The following GBP2 variants were observed in gnomAD, a reference collection of about 807,000 sequenced individuals.
GBP2 encodes the protein guanylate-binding protein 2.
GBP2 carries 54 observed loss-of-function variants against 60.8 expected under a neutral mutation model. That is an observed-to-expected ratio of 0.89 (90% CI 0.71 to 1.11). The LOEUF (loss-of-function observed/expected upper bound fraction) is 1.11, where lower values mean the gene tolerates loss of function less well. Among genes scored for constraint, GBP2 ranks in the 50% most tolerant of loss-of-function variants. The pLI is 0.00. For synonymous variants in GBP2, 243 were observed against 256.5 expected (o/e 0.95, Z 0.50); for missense variants, 665 against 703.3 (o/e 0.95, Z 0.62).
At chr1:89,114,577 C>T (rs1259284128) in intron 6 of GBP2, among the ~76,000 whole-genome samples, 1 of 152,136 alleles carries the variant, frequency 6.6e-6, no homozygotes, top group Non-Finnish European at 1.5e-5. Flanking sequence ...CTCACCTCTC[C>T]CTCTATTCCC....
intron 9 of GBP2, 105 bp from the exon 10 acceptor site, chr1:89,109,975 ACTT>A (rs2100611028): frequency 2.5e-6 from 3 of 1,185,110 alleles, no homozygotes; most frequent in South Asian, 3.1e-5. Context: ...CATTGAGAAA[ACTT>A]CTTGTAATTT....
intron 1 of GBP2, among the ~76,000 whole-genome samples, chr1:89,125,318 A>C (rs1294903307): frequency 6.6e-6 from 1 of 152,204 alleles, no homozygotes; most frequent in Non-Finnish European, 1.5e-5. Context: ...AATGGCAAAA[A>C]AACTATTTTT....
intron 9 of GBP2, 53 bp from the exon 10 acceptor site, chr1:89,109,923 C>T: frequency 6.7e-7 from 1 of 1,487,710 alleles, no homozygotes; most frequent in Non-Finnish European, 9.1e-7. Flanking sequence ...TGTAGGTGTT[C>T]CCTTTTCCTT....
At chr1:89,112,404 C>T in intron 8 of GBP2, 68 bp downstream of exon 8, 1 of 1,347,616 alleles carries the variant, frequency 7.4e-7, no homozygotes, top group African/African-American at 1.4e-5. Flanking sequence ...CATTTACCTT[C>T]TTCCCAGTGG....
At position 89,112,526 on chromosome 1, in the gene GBP2, C is replaced by T. The variant is rs754483732; in HGVS notation, c.1308G>A (p.Gln436=). 23 of 1,614,050 alleles carry T rather than the reference C, an allele frequency of 1.4e-5. No homozygotes were observed. Among genetic ancestry groups the T allele is most frequent in the Non-Finnish European group, 8.5e-7 (1 of 1,180,040 alleles). Residue 436 remains glutamine (Q), a synonymous_variant, in exon 8 of 11, where the codon CAG becomes CAA. Coordinates refer to ENST00000370466, the MANE Select transcript of GBP2 (RefSeq NM_004120.5). ...SKPGGYRLFT[Q]KLQELKNKYY... is the part of the protein sequence containing the mutation. Reference sequence around the variant, plus strand: ...ACTTATTCTTCAGCTCCTGCAGCTTCTGAGTAAAGAGACGGTAACCTCCTG... The same window carrying T: ...ACTTATTCTTCAGCTCCTGCAGCTTTTGAGTAAAGAGACGGTAACCTCCTG...
intron 1 of GBP2, among the ~76,000 whole-genome samples, chr1:89,123,365 G>A (rs367661659): frequency 9.3e-4 from 142 of 152,022 alleles, no homozygotes; most frequent in East Asian, 4.4e-3. Context: ...TTTATTTCTC[G>A]TCTATCTGTT....
At chr1:89,108,750 A>G (rs563387560) in intron 10 of GBP2, among the ~76,000 whole-genome samples, 1 of 152,194 alleles carries the variant, frequency 6.6e-6, no homozygotes, top group Non-Finnish European at 1.5e-5. Flanking sequence ...AGGTAACAGA[A>G]ATAAATTGAG....
At chr1:89,114,321 A>G in intron 6 of GBP2, 25 bp from the exon 7 acceptor site, 1 of 1,607,324 alleles carries the variant, frequency 6.2e-7, no homozygotes, top group South Asian at 1.1e-5. Flanking sequence ...TTTTAAAAAA[A>G]TGTGACTATC....
intron 3 of GBP2, among the ~76,000 whole-genome samples, 180 bp from the exon 4 acceptor site, chr1:89,120,468 G>A (rs1235945869): frequency 2.0e-5 from 3 of 152,062 alleles, no homozygotes; most frequent in Admixed American, 6.6e-5. Context: ...TATTTATGAT[G>A]TATAATTTAA....
At chr1:89,120,057 G>C in intron 4 of GBP2, 122 bp downstream of exon 4, 1 of 672,664 alleles carries the variant, frequency 1.5e-6, no homozygotes, top group Non-Finnish European at 2.6e-6. Context: ...AGCATAATGA[G>C]ATTTATTAAA....
In GBP2 at chr1:89,121,971, A is replaced by T; in HGVS notation, c.-5T>A. 1 of 1,609,858 alleles carries T rather than the reference A, an allele frequency of 6.2e-7. No individual in the cohort carries two copies. Among genetic ancestry groups the T allele is most frequent in the Non-Finnish European group, 8.5e-7 (1 of 1,177,414 alleles). On this transcript the variant is annotated 5_prime_UTR_variant, in exon 2 of 11. Transcript: ENST00000370466. ...CAAGTTGATCTCTGGAGCCATGTCC[A>T]GGGTGTTGTTCCCTTGTGTGCAAGG...
intron 6 of GBP2, 124 bp downstream of exon 6, chr1:89,116,868 T>C: frequency 1.1e-6 from 1 of 879,162 alleles, no homozygotes; most frequent in Non-Finnish European, 1.8e-6. Flanking sequence ...TTTCATGTTG[T>C]ATTTTCCTTG....
At chr1:89,108,373 T>A (rs1162817456) in intron 10 of GBP2, 82 bp from the exon 11 acceptor site, 2 of 800,084 alleles carry the variant, frequency 2.5e-6, no homozygotes, top group Non-Finnish European at 2.1e-6. Context: ...CTTATATTGA[T>A]CCTTCAAGAA....
intron 6 of GBP2, among the ~76,000 whole-genome samples, chr1:89,114,760 C>T (rs1295146070): frequency 1.3e-5 from 2 of 152,290 alleles, no homozygotes; most frequent in East Asian, 1.9e-4. Context: ...ATCAACTCAT[C>T]GAGTTTGCCA....
At position 89,126,111 on chromosome 1, in the gene GBP2, A is replaced by C. The variant is rs1263016147; in HGVS notation, c.-266T>G. 3 of 152,238 alleles carry C rather than the reference A, an allele frequency of 2.0e-5. No homozygotes were observed. The highest frequency in any genetic ancestry group is 4.4e-5 in the Non-Finnish European group (3 of 68,044). The allele number at this position is 152,238 out of a possible 1,614,324, so 9.4% of individuals were successfully genotyped here. A position where few individuals can be genotyped will look rare whatever the true frequency, so the allele number is the denominator to read the frequency against. On this transcript the variant is annotated 5_prime_UTR_variant, in exon 1 of 11. Transcript: ENST00000370466. Reference sequence around the variant, plus strand: ...GTAACCTCTGCAAAGAAATGCACTAATATGAAACAAAGTATCAACTAAAGC... The same window carrying C: ...GTAACCTCTGCAAAGAAATGCACTACTATGAAACAAAGTATCAACTAAAGC...
At chr1:89,121,658 T>C (rs1041941374) in intron 2 of GBP2, 119 bp downstream of exon 2, 1 of 1,071,460 alleles carries the variant, frequency 9.3e-7, no homozygotes, top group Non-Finnish European at 1.3e-6. Context: ...AGCCCATTAA[T>C]GGACTGAAAG....
In GBP2 at chr1:89,110,151, C is replaced by A. The variant is rs1462191549; in HGVS notation, c.1465+13G>T. 1.9e-6 allele frequency: 3 copies of A among 1,590,326 alleles called. No homozygotes were observed. The African/African-American group carries it at 4.0e-5, about 21-fold the overall frequency. On this transcript the variant is annotated intron_variant, in intron 9 of 10. Transcript: ENST00000370466. ...GCTTTCCGACCATGTAGAGTGTTTT[C>A]AGCTGTTCTCACCTTCAATCGCTTT... is the stretch of plus-strand genomic sequence containing the variant.
At chr1:89,115,415 A>G (rs933781318) in intron 6 of GBP2, among the ~76,000 whole-genome samples, 3 of 152,200 alleles carry the variant, frequency 2.0e-5, no homozygotes, top group Admixed American at 6.5e-5. Context: ...ATATGTATAA[A>G]CATAAATTAG....
chr1:89,121,219 C>T lies in GBP2; in HGVS notation c.242G>A (p.Trp81Ter). The stretch of plus-strand genomic sequence containing the variant: ...TGGCTTCTTGGGATGAGGCACACAC[C>T]ACATCCAGATTCCCTTGGTGTGAGA... ...VKSHTKGIWMWCVPHPKKPEH... is the reference protein window; with the variant it reads ...VKSHTKGIWM The change falls in exon 3 of 11, where the codon TGG becomes TAG. Residue 81 changes from tryptophan to a stop codon, truncating the protein, a stop_gained. Transcript: ENST00000370466. LOFTEE classifies it high-confidence loss of function. 1 of 1,612,700 alleles carries T rather than the reference C, an allele frequency of 6.2e-7. No homozygotes were observed. Among genetic ancestry groups the T allele is most frequent in the South Asian group, 1.1e-5 (1 of 91,014 alleles).
Sources: allele counts gnomAD v4.1 joint callset (sites outside exome capture counted in the v4.1 genomes callset), GRCh38; gene constraint gnomAD v4.1.1; transcripts MANE v1.5; gene names NCBI Gene and HGNC (gene_info 2026-07-23, HGNC 2026-07-21).